CTNND2: variants seen among roughly 807,000 people sequenced by gnomAD.
CTNND2 encodes catenin delta 2.
CTNND2 carries 22 observed loss-of-function variants against 144.4 expected under a neutral mutation model. The ratio of observed to expected loss-of-function variants is 0.15; its 90% confidence interval spans 0.11 to 0.22. The LOEUF (loss-of-function observed/expected upper bound fraction) is 0.22, where lower values mean the gene tolerates loss of function less well. Among genes scored for constraint, CTNND2 ranks in the 10% least tolerant of loss-of-function variants. The probability of loss-of-function intolerance (pLI) is 1.00; values close to 1 mark genes in which losing one functional copy is unlikely to be tolerated. For synonymous variants in CTNND2, 751 were observed against 695.6 expected, an observed-to-expected ratio of 1.08 and a Z score of -1.25; for missense variants, 1,353 against 1,618.8, an observed-to-expected ratio of 0.84 and a Z score of 2.82.
intron 3 of CTNND2, among the ~76,000 whole-genome samples, chr5:11,442,412 C>T (rs1764347230): frequency 6.6e-6 from 1 of 152,124 alleles, no homozygotes; most frequent in Non-Finnish European, 1.5e-5. Context: ...GAAAATACAA[C>T]TAACACTGAC....
intron 6 of CTNND2, among the ~76,000 whole-genome samples, chr5:11,389,921 G>T (rs1453305545): frequency 6.6e-6 from 1 of 152,214 alleles, no homozygotes; most frequent in African/African-American, 2.4e-5. Context: ...TTCAGGCTAT[G>T]AGTTATGTAT....
intron 3 of CTNND2, among the ~76,000 whole-genome samples, chr5:11,499,880 A>T (rs532968131): frequency 6.6e-6 from 1 of 152,228 alleles, no homozygotes; most frequent in South Asian, 2.1e-4. Flanking sequence ...TTCTTGAAGA[A>T]TCTCCCACAT....
At position 11,723,122 on chromosome 5, in the gene CTNND2, T is replaced by A. The variant is rs142380530; in HGVS notation, c.174+9014A>T. The stretch of plus-strand genomic sequence containing the variant: ...AGATTTTCAACAAATATGATAAACT[T>A]GGCATAATTGTATACAAACAAAAAT... On this transcript the variant is annotated intron_variant, in intron 2 of 21. Coordinates refer to ENST00000304623, the MANE Select transcript of CTNND2 (RefSeq NM_001332.4). 1.9e-4 allele frequency among the ~76,000 whole-genome samples: 29 copies of A among 152,270 alleles called. 1 individual carries two copies. Among genetic ancestry groups the A allele is most frequent in the African/African-American group, 7.0e-4 (29 of 41,548 alleles).
At chr5:11,443,719 A>T (rs2895595) in intron 3 of CTNND2, among the ~76,000 whole-genome samples, 7,263 of 152,014 alleles carry the variant, frequency 0.048, 558 homozygotes, top group African/African-American at 0.16. Context: ...TAGAAGAAAT[A>T]TTTTTTTCAC....
At chr5:11,458,462 A>G (rs936589669) in intron 3 of CTNND2, among the ~76,000 whole-genome samples, 2 of 152,220 alleles carry the variant, frequency 1.3e-5, no homozygotes, top group African/African-American at 4.8e-5. Context: ...CCATTTCTAC[A>G]TAAGCCTCAT....
chr5:11,769,617 A>G (rs1043423943), intron 1 of CTNND2, among the ~76,000 whole-genome samples: 1 of 152,214 alleles, frequency 6.6e-6, no homozygotes, highest in African/African-American at 2.4e-5. Context: ...TTAATTCACT[A>G]GAAACTGAAT....
At chr5:11,807,853 C>T (rs1053125123) in intron 1 of CTNND2, among the ~76,000 whole-genome samples, 1 of 152,160 alleles carries the variant, frequency 6.6e-6, no homozygotes, top group African/African-American at 2.4e-5. Context: ...ATTAAAACTG[C>T]TAAGCCTATA....
At chr5:10,995,423 G>C (rs148420210) in intron 18 of CTNND2, among the ~76,000 whole-genome samples, 1 of 152,336 alleles carries the variant, frequency 6.6e-6, no homozygotes, top group African/African-American at 2.4e-5. Flanking sequence ...GAGCTGCCTG[G>C]TGGTCTGGGA....
chr5:11,414,323 T>C (rs925000521), intron 3 of CTNND2, among the ~76,000 whole-genome samples: 6 of 152,298 alleles, frequency 3.9e-5, no homozygotes, highest in African/African-American at 1.4e-4. Context: ...TGTGGTAATT[T>C]GTTATGACAG....
At chr5:11,047,330 C>T (rs1745367756) in intron 16 of CTNND2, among the ~76,000 whole-genome samples, 1 of 152,200 alleles carries the variant, frequency 6.6e-6, no homozygotes, top group Admixed American at 6.5e-5. Flanking sequence ...ACATCACATA[C>T]AGTTCCCCAC....
At chr5:11,067,145 T>C (rs539955329) in intron 16 of CTNND2, among the ~76,000 whole-genome samples, 4 of 152,180 alleles carry the variant, frequency 2.6e-5, no homozygotes, top group Non-Finnish European at 5.9e-5. Flanking sequence ...CTGCCTCACA[T>C]CCCCTCTATA....
chr5:11,544,656 T>A (rs1268921375), intron 3 of CTNND2, among the ~76,000 whole-genome samples: 1 of 152,230 alleles, frequency 6.6e-6, no homozygotes, highest in African/African-American at 2.4e-5. Flanking sequence ...TCATTCTTTA[T>A]GATGAAACAC....
chr5:11,717,147 C>T (rs1786399016), intron 2 of CTNND2, among the ~76,000 whole-genome samples: 1 of 151,904 alleles, frequency 6.6e-6, no homozygotes, highest in African/African-American at 2.4e-5. Flanking sequence ...GGATTACCAG[C>T]ATGAGCCACC....
chr5:10,978,308 C>T (rs192144661), intron 21 of CTNND2, among the ~76,000 whole-genome samples: 6 of 152,252 alleles, frequency 3.9e-5, no homozygotes, highest in Admixed American at 2.0e-4. Flanking sequence ...GACTCCCAAC[C>T]GGAAGAGAGT....
chr5:11,726,731 A>G (rs1787044206), intron 2 of CTNND2, among the ~76,000 whole-genome samples: 4 of 152,204 alleles, frequency 2.6e-5, no homozygotes, highest in African/African-American at 9.6e-5. Flanking sequence ...TCTAGCATAT[A>G]ACACCCTAGT....
intron 1 of CTNND2, among the ~76,000 whole-genome samples, chr5:11,884,680 A>G (rs1470036016): frequency 6.6e-6 from 1 of 152,058 alleles, no homozygotes; most frequent in African/African-American, 2.4e-5. Context: ...CACTCTGGGT[A>G]GAAGTATCAG....
chr5:11,820,418 C>T (rs1793248612), intron 1 of CTNND2, among the ~76,000 whole-genome samples: 1 of 152,126 alleles, frequency 6.6e-6, no homozygotes, highest in African/African-American at 2.4e-5. Flanking sequence ...AAATGCAATA[C>T]TTTAATACTT....
chr5:11,109,384 AT>A lies in CTNND2; in HGVS notation c.2463+1473del, dbSNP rs70947245. On this transcript the variant is annotated intron_variant, in intron 14 of 21. Coordinates refer to ENST00000304623, the MANE Select transcript of CTNND2 (RefSeq NM_001332.4). Reference sequence around the variant, plus strand: ...ATTTTCTAGAATTATCCCTACAGGGATTTTTTTTTAAAGTTTCTGAGATTTT... The same window carrying A: ...ATTTTCTAGAATTATCCCTACAGGGATTTTTTTTAAAGTTTCTGAGATTTT... 4.1e-3 allele frequency among the ~76,000 whole-genome samples: 626 copies of A among 151,726 alleles called. 5 individuals are homozygous for A. The highest frequency in any genetic ancestry group is 0.013 in the African/African-American group (537 of 41,328).
At chr5:11,506,921 T>G (rs1442833404) in intron 3 of CTNND2, among the ~76,000 whole-genome samples, 1 of 152,244 alleles carries the variant, frequency 6.6e-6, no homozygotes, top group African/African-American at 2.4e-5. Flanking sequence ...GCGATGCGAC[T>G]GGTAATCAAT....
Sources: allele counts gnomAD v4.1 joint callset (sites outside exome capture counted in the v4.1 genomes callset), GRCh38; gene constraint gnomAD v4.1.1; transcripts MANE v1.5; gene names NCBI Gene and HGNC (gene_info 2026-07-23, HGNC 2026-07-21).